Variants in GALNT2 observed in about 807,000 individuals in gnomAD.
The protein encoded by GALNT2 is UDP-GalNAc:polypeptide N-acetylgalactosaminyltransferase 2.
GALNT2 carries 31 observed loss-of-function variants against 81.4 expected under a neutral mutation model. That is an observed-to-expected ratio of 0.38 (90% CI 0.29 to 0.51). The LOEUF (loss-of-function observed/expected upper bound fraction) is 0.51. Ranked by LOEUF, GALNT2 falls within the 20% of genes least tolerant of loss-of-function variation. The pLI is 0.87. For synonymous variants in GALNT2, 303 were observed against 287.4 expected (o/e 1.05, Z -0.55); for missense variants, 629 against 765.7 (o/e 0.82, Z 2.11).
intron 2 of GALNT2, among the ~76,000 whole-genome samples, chr1:230,201,970 T>C (rs1365692166): frequency 6.6e-6 from 1 of 152,218 alleles, no homozygotes; most frequent in Non-Finnish European, 1.5e-5. Context: ...CACTGGAAAT[T>C]GTATGAGTTT....
intron 1 of GALNT2, among the ~76,000 whole-genome samples, chr1:230,150,612 GT>G (rs1662063301): frequency 6.6e-6 from 1 of 152,188 alleles, no homozygotes; most frequent in Non-Finnish European, 1.5e-5. Flanking sequence ...GAGCATTTTT[GT>G]TTTGTTTGTT....
intron 11 of GALNT2, 120 bp from the exon 12 acceptor site, chr1:230,262,453 G>C (rs1212186064): frequency 2.5e-6 from 2 of 793,920 alleles, no homozygotes; most frequent in African/African-American, 1.7e-5. Flanking sequence ...CGTGATCCCA[G>C]CTGGAGCTGC....
intron 1 of GALNT2, among the ~76,000 whole-genome samples, chr1:230,158,504 T>C (rs1662330625): frequency 6.6e-6 from 1 of 152,264 alleles, no homozygotes; most frequent in South Asian, 2.1e-4. Context: ...ACAGCAACTA[T>C]GACCTGCAAA....
rs750473009 is a variant in GALNT2, at chr1:230,273,689, GTGTT to G, written c.1441-747_1441-744del. Among the ~76,000 whole-genome samples, 46 of 152,256 alleles carry G rather than the reference GTGTT, an allele frequency of 3.0e-4. No homozygotes were observed. The Middle Eastern group carries it at 0.024, about 79-fold the overall frequency. On this transcript the variant is annotated intron_variant, in intron 14 of 15. Transcript: ENST00000366672. ...TGTGTGTGTTTGTACATATATGTGTGTGTTTGTTTGTTAACATCATGGTGTGTTA... is the reference window on the plus strand; with the variant it reads ...TGTGTGTGTTTGTACATATATGTGTGTGTTTGTTAACATCATGGTGTGTTA...
chr1:230,175,595 CTCCTCG>C (rs1662947560), intron 1 of GALNT2, among the ~76,000 whole-genome samples: 1 of 64,288 alleles, frequency 1.6e-5, no homozygotes, highest in Non-Finnish European at 2.6e-5. Context: ...TCCTCGTCCC[CTCCTCG>C]TCCTCCTCCT....
intron 1 of GALNT2, among the ~76,000 whole-genome samples, chr1:230,116,532 A>T (rs935791767): frequency 3.3e-5 from 5 of 152,132 alleles, no homozygotes; most frequent in African/African-American, 1.2e-4. Flanking sequence ...CTGGCCACAA[A>T]ATGTATTTCT....
At chr1:230,224,306 C>T (rs1035994833) in intron 3 of GALNT2, among the ~76,000 whole-genome samples, 1 of 152,104 alleles carries the variant, frequency 6.6e-6, no homozygotes, top group East Asian at 1.9e-4. Flanking sequence ...CCCCTGGCAT[C>T]GGGAGGAATG....
chr1:230,190,915 T>C (rs904487228), intron 2 of GALNT2, among the ~76,000 whole-genome samples: 4 of 152,210 alleles, frequency 2.6e-5, no homozygotes, highest in African/African-American at 9.7e-5. Context: ...TTTAAGTCCA[T>C]GATTATTTTC....
In GALNT2 at chr1:230,275,674, A is replaced by G. The variant is rs545496880; in HGVS notation, c.1560+1110A>G. Among the ~76,000 whole-genome samples, 4 of 142,584 alleles carry G rather than the reference A, an allele frequency of 2.8e-5. No individual in the cohort carries two copies. Among genetic ancestry groups the G allele is most frequent in the Admixed American group, 7.1e-5 (1 of 14,152 alleles). 93.5% of individuals were successfully genotyped at this position (142,584 alleles called of 152,430 possible). A position where few individuals can be genotyped will look rare whatever the true frequency, so the allele number is the denominator to read the frequency against. ...CAAGCACAACATATATACATGCCAC[A>G]TGTATACATATGTAAACACCACATA... On this transcript the variant is annotated intron_variant, in intron 15 of 15. Coordinates refer to ENST00000366672, the MANE Select transcript of GALNT2 (RefSeq NM_004481.5). This position sits in a 1 kb window ranked among gnomAD's most constrained non-coding sequence, Gnocchi z 5.5.
intron 3 of GALNT2, among the ~76,000 whole-genome samples, chr1:230,207,737 CA>C (rs1420463888): frequency 1.3e-5 from 2 of 151,990 alleles, no homozygotes; most frequent in Non-Finnish European, 2.9e-5. Flanking sequence ...CGTGGGTGCG[CA>C]TCATGACGCT....
chr1:230,097,367 G>GC (rs569797597), intron 1 of GALNT2, among the ~76,000 whole-genome samples: 68 of 152,178 alleles, frequency 4.5e-4, no homozygotes, highest in Non-Finnish European at 8.1e-4. Context: ...TCAACTTGCA[G>GC]AACTGAGACT....
intron 3 of GALNT2, among the ~76,000 whole-genome samples, chr1:230,216,887 T>A (rs1008667729): frequency 2.6e-5 from 4 of 152,136 alleles, no homozygotes; most frequent in Non-Finnish European, 5.9e-5. Flanking sequence ...TGTGAGAAAA[T>A]CCACACCTCT....
intron 1 of GALNT2, among the ~76,000 whole-genome samples, chr1:230,159,673 G>T (rs1302504355): frequency 6.6e-5 from 10 of 152,350 alleles, no homozygotes; most frequent in African/African-American, 2.4e-4. Context: ...TTCCCACTGG[G>T]CAGGCTGTAC....
intron 3 of GALNT2, among the ~76,000 whole-genome samples, chr1:230,234,544 C>T (rs1255202896): frequency 3.9e-5 from 6 of 152,286 alleles, no homozygotes; most frequent in African/African-American, 7.2e-5. Context: ...CCCCTCTTGC[C>T]GCCTCACAGG....
At chr1:230,188,373 G>A (rs627702) in intron 2 of GALNT2, among the ~76,000 whole-genome samples, 35,023 of 152,090 alleles carry the variant, frequency 0.23, 4,891 homozygotes, top group African/African-American at 0.39. Flanking sequence ...TGGAATGGGG[G>A]CAAGAACAAT....
intron 1 of GALNT2, among the ~76,000 whole-genome samples, chr1:230,128,953 C>T (rs1421719637): frequency 1.3e-5 from 2 of 152,216 alleles, no homozygotes; most frequent in Admixed American, 1.3e-4. Flanking sequence ...AGAGGATTTT[C>T]TGGATTATCA....
At chr1:230,126,460 TATATC>T (rs1214757754) in intron 1 of GALNT2, among the ~76,000 whole-genome samples, 4 of 152,044 alleles carry the variant, frequency 2.6e-5, no homozygotes, top group Non-Finnish European at 5.9e-5. Context: ...ACCTTTGTCT[TATATC>T]ATAAGGGGGT....
intron 6 of GALNT2, among the ~76,000 whole-genome samples, chr1:230,239,368 A>G (rs1165167638): frequency 6.6e-6 from 1 of 152,210 alleles, no homozygotes; most frequent in Non-Finnish European, 1.5e-5. Flanking sequence ...ACAATAGGCC[A>G]TCTGCAGCCG....
chr1:230,199,208 G>T (rs577344949), intron 2 of GALNT2, among the ~76,000 whole-genome samples: 1 of 152,274 alleles, frequency 6.6e-6, no homozygotes, highest in African/African-American at 2.4e-5. Context: ...TTTGTTGGTT[G>T]TTTTGTGGCT....
Sources: gnomAD v4.1 joint callset for allele counts (sites outside exome capture counted in the v4.1 genomes callset) on GRCh38, gnomAD v4.1.1 for gene constraint, Gnocchi (gnomAD v3.1) non-coding constraint, MANE v1.5 for transcripts, NCBI Gene and HGNC (gene_info 2026-07-23, HGNC 2026-07-21) for gene names.